Variants in MTARC2 observed in about 807,000 individuals in gnomAD.
MTARC2 encodes the protein mitochondrial amidoxime reducing component 2.
A neutral mutation model predicts 35.6 loss-of-function variants in MTARC2; 27 were observed. The ratio of observed to expected loss-of-function variants is 0.76; its 90% CI spans 0.56 to 1.04. The LOEUF (loss-of-function observed/expected upper bound fraction) is 1.04. MTARC2 is among the 50% of genes least tolerant of loss of function. The pLI is 0.00. For missense variants in MTARC2, 412 were observed against 432.5 expected (o/e 0.95, Z 0.42); for synonymous variants, 158 against 167.1 (o/e 0.95, Z 0.42).
chr1:220,773,035 C>T (rs916674838), intron 4 of MTARC2, among the ~76,000 whole-genome samples: 2 of 152,008 alleles, frequency 1.3e-5, no homozygotes, highest in African/African-American at 2.4e-5. Flanking sequence ...TTCAATCATA[C>T]CTGACTTTAT....
intron 4 of MTARC2, among the ~76,000 whole-genome samples, chr1:220,766,195 A>G (rs1420190160): frequency 1.3e-5 from 2 of 152,210 alleles, no homozygotes; most frequent in African/African-American, 4.8e-5. Flanking sequence ...TGAAATTTAT[A>G]CAATTTGGGG....
At chr1:220,774,956 T>C (rs1033533765) in intron 4 of MTARC2, among the ~76,000 whole-genome samples, 4 of 150,278 alleles carry the variant, frequency 2.7e-5, no homozygotes, top group African/African-American at 4.9e-5. Flanking sequence ...TGTGTGTGCG[T>C]GTGTGTGTGT....
At chr1:220,763,703 G>A (rs1485663269) in intron 4 of MTARC2, among the ~76,000 whole-genome samples, 1 of 152,170 alleles carries the variant, frequency 6.6e-6, no homozygotes, top group Non-Finnish European at 1.5e-5. Flanking sequence ...TAAGCCTCAG[G>A]GGTGAGCTAA....
intron 2 of MTARC2, among the ~76,000 whole-genome samples, chr1:220,758,188 T>C (rs1197507626): frequency 1.3e-5 from 2 of 151,884 alleles, no homozygotes; most frequent in East Asian, 1.9e-4. Flanking sequence ...TTTCACCATG[T>C]TGGCTACCAT....
intron 4 of MTARC2, among the ~76,000 whole-genome samples, chr1:220,769,575 A>G (rs1300501127): frequency 1.3e-5 from 2 of 152,140 alleles, no homozygotes; most frequent in African/African-American, 2.4e-5. Flanking sequence ...CGTAACTGGC[A>G]GGAGTTGCGG....
intron 4 of MTARC2, among the ~76,000 whole-genome samples, chr1:220,771,774 G>T (rs1368754667): frequency 6.6e-6 from 1 of 152,026 alleles, no homozygotes; most frequent in African/African-American, 2.4e-5. Flanking sequence ...ACAAGGGGTG[G>T]GAGAGTATTA....
At chr1:220,755,854 A>G (rs934676702) in intron 2 of MTARC2, among the ~76,000 whole-genome samples, 4 of 152,224 alleles carry the variant, frequency 2.6e-5, no homozygotes, top group Non-Finnish European at 4.4e-5. Flanking sequence ...TACAAGTATA[A>G]AGGTGGTACA....
chr1:220,760,541 A>G (rs1671411675), intron 2 of MTARC2, among the ~76,000 whole-genome samples: 1 of 152,232 alleles, frequency 6.6e-6, no homozygotes, highest in Non-Finnish European at 1.5e-5. Flanking sequence ...TGTGAGATTC[A>G]TTCAGAGTTT....
chr1:220,779,728 C>T (rs1672013690), intron 4 of MTARC2, among the ~76,000 whole-genome samples: 1 of 152,168 alleles, frequency 6.6e-6, no homozygotes, highest in Admixed American at 6.5e-5. Flanking sequence ...TGTATATCTA[C>T]ACATTGACTT....
chr1:220,777,409 C>G (rs1022710155), intron 4 of MTARC2, among the ~76,000 whole-genome samples: 1 of 152,148 alleles, frequency 6.6e-6, no homozygotes, highest in Non-Finnish European at 1.5e-5. Flanking sequence ...TGGTCATCAG[C>G]GGCAGAGGGA....
chr1:220,770,566 G>C lies in MTARC2; in HGVS notation c.750+7516G>C, dbSNP rs573412886. 1.3e-5 allele frequency: 13 copies of C among 985,406 alleles called. No homozygotes were observed. In the African/African-American group the frequency reaches 1.9e-4, roughly 15 times the overall value. The allele number at this position is 985,406 out of a possible 1,614,324, so 61.0% of individuals were successfully genotyped here. A position where few individuals can be genotyped will look rare whatever the true frequency, so the allele number is the denominator to read the frequency against. Reference sequence around the variant, plus strand: ...AGACGGCAGAGTGGAGGTAAGGCAGGATTGATCTCAGAGACCATGACCCCC... The same window carrying C: ...AGACGGCAGAGTGGAGGTAAGGCAGCATTGATCTCAGAGACCATGACCCCC... On this transcript the variant is annotated intron_variant, in intron 4 of 7. Coordinates refer to ENST00000366913, the MANE Select transcript of MTARC2 (RefSeq NM_017898.5).
intron 4 of MTARC2, among the ~76,000 whole-genome samples, chr1:220,774,924 A>T (rs547941139): frequency 0.024 from 3,587 of 151,972 alleles, 107 homozygotes; most frequent in African/African-American, 0.064. Flanking sequence ...TAGCCATGCA[A>T]TTGTGTGTCT....
intron 4 of MTARC2, among the ~76,000 whole-genome samples, chr1:220,769,932 T>TAAAAA (rs1553254311): frequency 8.5e-5 from 2 of 23,544 alleles, no homozygotes; most frequent in African/African-American, 2.2e-4. Flanking sequence ...CTACTAAAAA[T>TAAAAA]ACAAAAAAAA....
At chr1:220,774,170 A>G (rs1572313873) in intron 4 of MTARC2, among the ~76,000 whole-genome samples, 1 of 151,428 alleles carries the variant, frequency 6.6e-6, no homozygotes, top group African/African-American at 2.4e-5. Context: ...GGCTGAAGCC[A>G]TCCTCCTGCC....
chr1:220,780,085 G>C lies in MTARC2; in HGVS notation c.812+6G>C, dbSNP rs1362137965. 4 of 1,561,056 alleles carry C rather than the reference G, an allele frequency of 2.6e-6. No individual in the cohort carries two copies. On this transcript the variant is annotated splice_donor_region_variant and intron_variant, in intron 5 of 7. Coordinates refer to ENST00000366913, the MANE Select transcript of MTARC2 (RefSeq NM_017898.5). ...AAGGTAATGGCATGCCCCAGGTAAG[G>C]AGCCTAGCTAGACCCCAGGACTGTG...
chr1:220,772,813 G>A (rs78198961), intron 4 of MTARC2, among the ~76,000 whole-genome samples: 3,605 of 152,172 alleles, frequency 0.024, 107 homozygotes, highest in African/African-American at 0.064. Context: ...AGAGTGATTA[G>A]ATTTTGAAAT....
chr1:220,762,799 TC>T, intron 3 of MTARC2, 110 bp from the exon 4 acceptor site: 1 of 1,130,738 alleles, frequency 8.8e-7, no homozygotes, highest in Non-Finnish European at 1.3e-6. Flanking sequence ...TGAACACTGC[TC>T]CCCTCTTCTG....
intron 1 of MTARC2, 30 bp downstream of exon 1, chr1:220,748,833 C>T: frequency 6.5e-7 from 1 of 1,538,312 alleles, no homozygotes; most frequent in Non-Finnish European, 8.7e-7. Context: ...CGGGGCAGCG[C>T]GGAGCCTGCC....
rs78249739 is a variant in MTARC2, at chr1:220,764,245, C to A, written c.750+1195C>A. Among the ~76,000 whole-genome samples the A allele has an allele frequency of 5.7e-3, 871 of 152,212 alleles. 7 individuals carry two copies. In the East Asian group the frequency reaches 0.059, roughly 10 times the overall value. On this transcript the variant is annotated intron_variant, in intron 4 of 7. Coordinates refer to ENST00000366913, the MANE Select transcript of MTARC2 (RefSeq NM_017898.5). ...AGGAGCTGGGACTACAGGCACATGT[C>A]ACCACCTTGGCTAATTTTTGTACTT...
Sources: gnomAD v4.1 joint callset for allele counts (sites outside exome capture counted in the v4.1 genomes callset) on GRCh38, gnomAD v4.1.1 for gene constraint, MANE v1.5 for transcripts, NCBI Gene and HGNC (gene_info 2026-07-23, HGNC 2026-07-21) for gene names.